The following OPN3 variants were observed in gnomAD, a reference collection of about 807,000 sequenced individuals.
OPN3 encodes opsin-3.
OPN3 carries 29 observed loss-of-function variants against 33.8 expected under a neutral mutation model. The observed-to-expected ratio is 0.86, with a 90% CI of 0.64 to 1.17. The LOEUF is 1.17. Ranked by LOEUF, OPN3 falls within the 50% of genes most tolerant of loss-of-function variation. OPN3 has a pLI of 0.00. For synonymous variants in OPN3, 216 were observed against 216.1 expected (o/e 1.00, Z 0.00); for missense variants, 437 against 514.1 (o/e 0.85, Z 1.45).
Position 241,640,294 on chromosome 1 carries a change from C to T in OPN3, c.-40G>A, listed in dbSNP as rs1665076713. 8.8e-7 allele frequency: 1 copy of T among 1,138,674 alleles called. No homozygotes were observed. Among genetic ancestry groups the T allele is most frequent in the African/African-American group, 1.6e-5 (1 of 60,898 alleles). 70.5% of individuals were successfully genotyped at this position (1,138,674 alleles called of 1,614,324 possible). ...GCGCCTGGCGGGCGGAGGCGCTCAG[C>T]TTGCGGCGGGGCTCGCGGCGCGCTC... On this transcript the variant is annotated 5_prime_UTR_variant, in exon 1 of 4. Transcript: ENST00000366554.
chr1:241,606,369 C>T (rs1663829422), intron 1 of OPN3, among the ~76,000 whole-genome samples: 1 of 151,918 alleles, frequency 6.6e-6, no homozygotes, highest in Admixed American at 6.6e-5. Context: ...CATGGCGAAA[C>T]CCTGTCTCTA....
At position 241,594,480 on chromosome 1, in the gene OPN3, C is replaced by G. The variant is rs751749041; in HGVS notation, c.1157G>C (p.Ser386Thr). The part of the protein sequence containing the change: ...TSDESLSVDD[S>T]DKTNGSKVDV... ...AACTTTGGACCCATTGGTTTTGTCG[C>G]TGTCGTCAACTGACAGTGATTCATC... Residue 386 changes from serine to threonine, a missense_variant, in exon 4 of 4, where the codon AGC becomes ACC. Ser to Thr is a moderately conservative substitution (Grantham distance 58, BLOSUM62 1). Transcript: ENST00000366554. 29 of 1,614,000 alleles carry G rather than the reference C, an allele frequency of 1.8e-5. No homozygotes were observed. The highest frequency in any genetic ancestry group is 2.4e-5 in the Non-Finnish European group (28 of 1,179,996).
chr1:241,594,468 T>C lies in OPN3; in HGVS notation c.1169A>G (p.Asn390Ser), dbSNP rs750284319. 2 of 1,614,080 alleles carry C rather than the reference T, an allele frequency of 1.2e-6. No homozygotes were observed. Among genetic ancestry groups the C allele is most frequent in the South Asian group, 1.1e-5 (1 of 91,080 alleles). ...SLSVDDSDKT[N>S]GSKVDVIQVR... The stretch of plus-strand genomic sequence containing the variant: ...TTGGATTACATCAACTTTGGACCCA[T>C]TGGTTTTGTCGCTGTCGTCAACTGA... Residue 390 changes from asparagine (N) to serine (S), a missense_variant, in exon 4 of 4, where the codon AAT becomes AGT. Coordinates refer to ENST00000366554, the MANE Select transcript of OPN3 (RefSeq NM_014322.3).
intron 1 of OPN3, chr1:241,635,469 C>T (rs781312564): frequency 3.1e-6 from 5 of 1,613,878 alleles, no homozygotes; most frequent in Non-Finnish European, 4.2e-6. Flanking sequence ...CAAAAAGCTT[C>T]TGTGTGTTGA....
intron 1 of OPN3, among the ~76,000 whole-genome samples, chr1:241,628,434 TG>T (rs1014654879): frequency 6.6e-5 from 10 of 152,318 alleles, no homozygotes; most frequent in East Asian, 1.9e-4. Context: ...TCACGCTGAC[TG>T]GAAGAAAGGG....
rs370490080 is a variant in OPN3, at chr1:241,636,308, C to G, written c.373+3574G>C. The stretch of plus-strand genomic sequence containing the variant: ...AGTAATAGAGAATGAACATAATGTT[C>G]CACAAAAATAAAGAAGAAATAACAT... On this transcript the variant is annotated intron_variant, in intron 1 of 3. Transcript: ENST00000366554. Among the ~76,000 whole-genome samples, 7 of 152,248 alleles carry G rather than the reference C, an allele frequency of 4.6e-5. No individual in the cohort carries two copies. The South Asian group carries it at 1.0e-3, about 23-fold the overall frequency.
rs541860479 is a variant in OPN3 at position 241,636,436 on chromosome 1, T to C, written c.373+3446A>G. Among the ~76,000 whole-genome samples, 7 of 152,382 alleles carry C rather than the reference T, an allele frequency of 4.6e-5. No homozygotes were observed. The East Asian group carries it at 1.3e-3, about 29-fold the overall frequency. On this transcript the variant is annotated intron_variant, in intron 1 of 3. Coordinates refer to ENST00000366554, the MANE Select transcript of OPN3 (RefSeq NM_014322.3). The stretch of plus-strand genomic sequence containing the variant: ...AAGGAACGCATGGCTCCACTGTTTA[T>C]AGAAACAGATTATAAACTATGTGCA...
At chr1:241,629,186 T>G (rs1664519587) in intron 1 of OPN3, 1 of 152,324 alleles carries the variant, frequency 6.6e-6, no homozygotes, top group South Asian at 2.1e-4. Context: ...TGAGTGGAAC[T>G]GCTAGAAAAC....
chr1:241,607,014 G>T (rs1316496628), intron 1 of OPN3, among the ~76,000 whole-genome samples: 1 of 152,104 alleles, frequency 6.6e-6, no homozygotes, highest in Non-Finnish European at 1.5e-5. Flanking sequence ...GAAAGCAATT[G>T]GTATAACATA....
intron 1 of OPN3, among the ~76,000 whole-genome samples, chr1:241,620,465 G>A (rs543609997): frequency 1.3e-5 from 2 of 152,220 alleles, no homozygotes; most frequent in Admixed American, 1.3e-4. Flanking sequence ...TAGTGCTGTT[G>A]TAAGAGGCCA....
intron 1 of OPN3, among the ~76,000 whole-genome samples, chr1:241,606,203 T>C (rs1663825147): frequency 6.6e-6 from 1 of 152,200 alleles, no homozygotes; most frequent in African/African-American, 2.4e-5. Context: ...AGAATCTATC[T>C]GCTTATCGAA....
chr1:241,639,773 G>GCATCATTAAA (rs1665043115), intron 1 of OPN3, 109 bp downstream of exon 1: 1 of 1,089,946 alleles, frequency 9.2e-7, no homozygotes, highest in Non-Finnish European at 1.2e-6. Flanking sequence ...GCGCGGGGCC[G>GCATCATTAAA]AGCGGGAAGC....
chr1:241,605,621 C>T (rs1419792893), intron 1 of OPN3, among the ~76,000 whole-genome samples: 2 of 152,214 alleles, frequency 1.3e-5, no homozygotes, highest in African/African-American at 2.4e-5. Flanking sequence ...AGGGAATGTA[C>T]GTGTGTAAAC....
At chr1:241,627,912 T>C (rs1664468958) in intron 1 of OPN3, among the ~76,000 whole-genome samples, 1 of 152,164 alleles carries the variant, frequency 6.6e-6, no homozygotes. Flanking sequence ...TATGATCGAA[T>C]TTCTTTATAC....
chr1:241,599,154 T>C (rs1466921398), intron 2 of OPN3, among the ~76,000 whole-genome samples: 1 of 151,902 alleles, frequency 6.6e-6, no homozygotes, highest in African/African-American at 2.4e-5. Flanking sequence ...TAGCAAAGAA[T>C]AGAGAGAAAT....
intron 3 of OPN3, among the ~76,000 whole-genome samples, chr1:241,595,813 T>G (rs1216153793): frequency 6.6e-6 from 1 of 152,232 alleles, no homozygotes; most frequent in Non-Finnish European, 1.5e-5. Context: ...ATAAAAATAT[T>G]TGTTTGAGAC....
At chr1:241,594,790 T>C (rs1663449375) in intron 3 of OPN3, 99 bp from the exon 4 acceptor site, 1 of 1,434,304 alleles carries the variant, frequency 7.0e-7, no homozygotes, top group South Asian at 1.4e-5. Flanking sequence ...TAAGTTGTTT[T>C]TTGTTTGTTA....
intron 1 of OPN3, among the ~76,000 whole-genome samples, chr1:241,637,138 T>C (rs1422128789): frequency 6.6e-6 from 1 of 152,214 alleles, no homozygotes; most frequent in East Asian, 1.9e-4. Flanking sequence ...CTTTCTAATA[T>C]TCATCATTGC....
chr1:241,623,120 A>C (rs563108464), intron 1 of OPN3, among the ~76,000 whole-genome samples: 26 of 152,014 alleles, frequency 1.7e-4, no homozygotes, highest in Admixed American at 1.0e-3. Context: ...AACAAAAAAA[A>C]CTCTTTCTGG....
Sources: allele counts gnomAD v4.1 joint callset (sites outside exome capture counted in the v4.1 genomes callset), GRCh38; gene constraint gnomAD v4.1.1; transcripts MANE v1.5; gene names NCBI Gene and HGNC (gene_info 2026-07-23, HGNC 2026-07-21).